Variants in FOCAD observed in about 807,000 individuals in gnomAD.
The protein encoded by FOCAD is KIAA1797.
A neutral mutation model predicts 225.6 loss-of-function variants in FOCAD; 198 were observed. The ratio of observed to expected loss-of-function variants is 0.88; its 90% CI spans 0.78 to 0.99. The LOEUF (loss-of-function observed/expected upper bound fraction) is 0.99, where lower values mean the gene tolerates loss of function less well. Among genes scored for constraint, FOCAD ranks in the 50% least tolerant of loss-of-function variants. FOCAD has a pLI of 0.00. For missense variants in FOCAD, 2,713 were observed against 2,123.6 expected (o/e 1.28, Z -5.46); for synonymous variants, 897 against 755.0 (o/e 1.19, Z -3.08).
chr9:20,944,589 C>T, intron 28 of FOCAD, 38 bp from the exon 29 acceptor site: 1 of 1,595,300 alleles, frequency 6.3e-7, no homozygotes, highest in Admixed American at 1.7e-5. Flanking sequence ...GTGTGGATTT[C>T]TTATGATCCT....
chr9:20,711,575 G>A (rs1321680765), intron 1 of FOCAD, among the ~76,000 whole-genome samples: 2 of 152,146 alleles, frequency 1.3e-5, no homozygotes, highest in East Asian at 1.9e-4. Context: ...AGAATGAAGA[G>A]GAATAGTAAC....
intron 18 of FOCAD, among the ~76,000 whole-genome samples, chr9:20,871,283 G>A (rs976540265): frequency 4.6e-5 from 7 of 152,012 alleles, no homozygotes; most frequent in Admixed American, 3.9e-4. Context: ...TAGGCAGGTC[G>A]TTTTTGTTGG....
rs900055529 is a variant in FOCAD, at chr9:20,721,572, C to T, written c.287+1038C>T. On this transcript the variant is annotated intron_variant, in intron 4 of 43. Coordinates refer to ENST00000338382, the MANE Select transcript of FOCAD (RefSeq NM_001375567.1). ...CAAAAATTAGCTGGGCGTGGTGATG[C>T]GTGCCTGTAATCCCAGCTACTCAGG... Among the ~76,000 whole-genome samples the T allele has an allele frequency of 6.6e-5, 10 of 151,918 alleles. No individual in the cohort carries two copies. The South Asian group carries it at 1.2e-3, about 19-fold the overall frequency.
chr9:20,867,533 C>G (rs1829396345), intron 18 of FOCAD, among the ~76,000 whole-genome samples: 1 of 152,008 alleles, frequency 6.6e-6, no homozygotes. Flanking sequence ...AAGAGGAAGT[C>G]AAATTGTCCC....
chr9:20,954,056 A>G (rs781593350), intron 35 of FOCAD, among the ~76,000 whole-genome samples: 19 of 152,164 alleles, frequency 1.2e-4, no homozygotes, highest in Non-Finnish European at 1.8e-4. Context: ...CATAGCCTGG[A>G]GACAAATTCC....
At chr9:20,690,404 C>G (rs957633636) in intron 1 of FOCAD, among the ~76,000 whole-genome samples, 1 of 152,036 alleles carries the variant, frequency 6.6e-6, no homozygotes, top group African/African-American at 2.4e-5. Context: ...TATTTGTTAC[C>G]CCTTATGGTA....
chr9:20,798,359 C>A (rs1821374626), intron 11 of FOCAD, among the ~76,000 whole-genome samples: 1 of 152,236 alleles, frequency 6.6e-6, no homozygotes, highest in Middle Eastern at 3.4e-3. Context: ...ATGCTGGCCT[C>A]ATAAAATGAG....
chr9:20,765,272 CTAAA>C (rs934201599), intron 7 of FOCAD, among the ~76,000 whole-genome samples, 199 bp downstream of exon 7: 3 of 152,076 alleles, frequency 2.0e-5, no homozygotes, highest in African/African-American at 7.2e-5. Flanking sequence ...TCGATATTAA[CTAAA>C]TACACAGAAA....
At chr9:20,791,262 C>CACAT (rs1337721818) in intron 11 of FOCAD, among the ~76,000 whole-genome samples, 2 of 151,500 alleles carry the variant, frequency 1.3e-5, no homozygotes, top group Non-Finnish European at 2.9e-5. Flanking sequence ...CACACACACA[C>CACAT]AGGAAATTTG....
At chr9:20,795,507 C>T (rs560837468) in intron 11 of FOCAD, among the ~76,000 whole-genome samples, 2 of 150,112 alleles carry the variant, frequency 1.3e-5, no homozygotes, top group South Asian at 2.1e-4. Flanking sequence ...TGTTTTGGGC[C>T]GGGCACGCTG....
At chr9:20,826,477 T>C (rs184305153) in intron 15 of FOCAD, among the ~76,000 whole-genome samples, 2 of 152,200 alleles carry the variant, frequency 1.3e-5, no homozygotes, top group East Asian at 1.9e-4. Flanking sequence ...TTCCCTACTT[T>C]TGAGGTTTTG....
intron 35 of FOCAD, among the ~76,000 whole-genome samples, chr9:20,956,126 T>G (rs1838115743): frequency 6.6e-6 from 1 of 152,216 alleles, no homozygotes; most frequent in South Asian, 2.1e-4. Context: ...GTATTGGGCT[T>G]GGATACGAAG....
chr9:20,927,936 C>G (rs1010238377), intron 26 of FOCAD: 10 of 122,680 alleles, frequency 8.2e-5, no homozygotes, highest in African/African-American at 2.9e-4. Flanking sequence ...AGATTTTTAA[C>G]CATAGTTGAG....
intron 20 of FOCAD, among the ~76,000 whole-genome samples, chr9:20,884,071 A>G (rs1830901147): frequency 6.6e-6 from 1 of 152,206 alleles, no homozygotes; most frequent in South Asian, 2.1e-4. Context: ...AAAGGGACCC[A>G]TGTTATCATG....
intron 26 of FOCAD, 180 bp from the exon 27 acceptor site, chr9:20,929,178 A>G (rs1835231777): frequency 1.6e-5 from 9 of 551,192 alleles, no homozygotes. Context: ...AAAACATTTC[A>G]TTAATAATGA....
At chr9:20,693,604 C>A (rs1823110760) in intron 1 of FOCAD, among the ~76,000 whole-genome samples, 2 of 152,302 alleles carry the variant, frequency 1.3e-5, no homozygotes, top group Non-Finnish European at 1.5e-5. Flanking sequence ...GGTACTGCAA[C>A]CTTTTTCAGG....
rs559592201 is a variant in FOCAD, at chr9:20,669,567, G to A, written c.-78+10741G>A. Among the ~76,000 whole-genome samples, 9 of 152,258 alleles carry A rather than the reference G, an allele frequency of 5.9e-5. No individual in the cohort carries two copies. The East Asian group carries it at 1.7e-3, about 29-fold the overall frequency. On this transcript the variant is annotated intron_variant, in intron 2 of 45. Transcript: ENST00000380249. ...AGGCGGGCAGATCACTTGAGATCAG[G>A]AGTTCAAGACCAGCCTGGCCAACAT...
intron 4 of FOCAD, among the ~76,000 whole-genome samples, chr9:20,736,623 C>T (rs1827172258): frequency 6.6e-6 from 1 of 152,170 alleles, no homozygotes; most frequent in South Asian, 2.1e-4. Context: ...CCTGTGCTTA[C>T]ACAGCGTCAT....
chr9:20,942,757 AC>A lies in FOCAD; in HGVS notation c.3408-1867del, dbSNP rs1836798003. On this transcript the variant is annotated intron_variant, in intron 28 of 43. Coordinates refer to ENST00000338382, the MANE Select transcript of FOCAD (RefSeq NM_001375567.1). ...GGAAAAAAACAGAAAAGGTATACCC[AC>A]CCTTATGGAGCTTTCAGGCCAGGGA... 3.3e-5 allele frequency among the ~76,000 whole-genome samples: 5 copies of A among 152,172 alleles called. No homozygotes were observed. In the South Asian group the frequency reaches 8.3e-4, roughly 25 times the overall value.
Sources: gnomAD v4.1 joint callset for allele counts (sites outside exome capture counted in the v4.1 genomes callset) on GRCh38, gnomAD v4.1.1 for gene constraint, MANE v1.5 for transcripts, NCBI Gene and HGNC (gene_info 2026-07-23, HGNC 2026-07-21) for gene names.